Variants in CYB5RL observed in about 807,000 individuals in gnomAD.
CYB5RL encodes the protein cytochrome b5 reductase like.
CYB5RL carries 38 observed loss-of-function variants against 37.5 expected under a neutral mutation model. That is an observed-to-expected ratio of 1.01 (90% CI 0.78 to 1.33). The LOEUF (loss-of-function observed/expected upper bound fraction) is 1.33. Ranked by LOEUF, CYB5RL falls within the 40% of genes most tolerant of loss-of-function variation. The probability of loss-of-function intolerance (pLI) is 0.00; values close to 1 mark genes in which losing one functional copy is unlikely to be tolerated. For synonymous variants in CYB5RL, 141 were observed against 151.9 expected (o/e 0.93, Z 0.53); for missense variants, 388 against 394.4 (o/e 0.98, Z 0.14).
chr1:54,179,250 G>T lies in CYB5RL; in HGVS notation c.643C>A (p.Leu215Met), dbSNP rs146034240. The change falls in exon 7 of 8, where the codon CTG becomes ATG. Residue 215 changes from leucine (L) to methionine (M), a missense_variant. Physicochemically the swap from Leu to Met is conservative, Grantham distance 15. Transcript: ENST00000534324. ...DNENDETFVTLVGCFKTFESI... is the reference protein window; with the variant it reads ...DNENDETFVTMVGCFKTFESI... ...TCAAAGGTCTTGAAGCAACCGACCA[G>T]AGTGACAAAAGTCTCGTCATTCTCA... The T allele has an allele frequency of 3.8e-4, 611 of 1,613,850 alleles. 2 individuals carry two copies. The African/African-American group carries it at 6.6e-3, about 17-fold the overall frequency.
intron 6 of CYB5RL, chr1:54,180,139 A>T (rs1029805749): frequency 2.4e-6 from 1 of 418,538 alleles, no homozygotes; most frequent in Non-Finnish European, 4.7e-6. Flanking sequence ...TGGGAGGCTG[A>T]GGCAGAAGAA....
chr1:54,197,760 T>G (rs1361138927), intron 1 of CYB5RL, among the ~76,000 whole-genome samples: 4 of 151,952 alleles, frequency 2.6e-5, no homozygotes, highest in Admixed American at 6.6e-5. Flanking sequence ...GGTGGCTCAT[T>G]CCTGTAATCC....
chr1:54,176,092 C>T (rs1008152968), intron 7 of CYB5RL, among the ~76,000 whole-genome samples: 2 of 152,254 alleles, frequency 1.3e-5, no homozygotes, highest in African/African-American at 4.8e-5. Context: ...TCCACTGCCA[C>T]TTTCCTGCTG....
chr1:54,198,729 C>T (rs770152886), intron 1 of CYB5RL, among the ~76,000 whole-genome samples: 3 of 151,072 alleles, frequency 2.0e-5, no homozygotes, highest in Non-Finnish European at 4.4e-5. Context: ...TCTCCGAGGC[C>T]CAAGTGATCC....
chr1:54,176,904 C>A (rs1660032369), intron 7 of CYB5RL, among the ~76,000 whole-genome samples: 1 of 152,136 alleles, frequency 6.6e-6, no homozygotes, highest in Non-Finnish European at 1.5e-5. Flanking sequence ...TGGACTTCTA[C>A]CTCAACAGGG....
At chr1:54,182,965 C>T (rs748161291) in intron 6 of CYB5RL, among the ~76,000 whole-genome samples, 18 of 152,226 alleles carry the variant, frequency 1.2e-4, no homozygotes, top group Middle Eastern at 3.4e-3. Flanking sequence ...AATAGGTGTT[C>T]GCTGCAAATG....
chr1:54,196,810 C>T (rs561957757), intron 1 of CYB5RL, among the ~76,000 whole-genome samples: 9 of 152,284 alleles, frequency 5.9e-5, no homozygotes, highest in Admixed American at 1.3e-4. Flanking sequence ...CAAAACATAT[C>T]GTTCTTCAAT....
intron 3 of CYB5RL, 101 bp from the exon 4 acceptor site, chr1:54,190,997 C>A: frequency 6.8e-7 from 1 of 1,461,872 alleles, no homozygotes; most frequent in Admixed American, 2.5e-5. Context: ...GCTGTCTTGG[C>A]TCGGGAAGTT....
intron 4 of CYB5RL, among the ~76,000 whole-genome samples, chr1:54,189,227 G>A (rs1030286243): frequency 3.9e-5 from 6 of 152,036 alleles, no homozygotes; most frequent in African/African-American, 9.7e-5. Flanking sequence ...TGAAACAAAT[G>A]GGGACCTAAG....
chr1:54,199,084 C>T (rs1644048692), intron 1 of CYB5RL, among the ~76,000 whole-genome samples: 1 of 152,166 alleles, frequency 6.6e-6, no homozygotes, highest in South Asian at 2.1e-4. Flanking sequence ...TTAATCCAGG[C>T]CTTGACACAT....
At position 54,174,375 on chromosome 1, in the gene CYB5RL, C is replaced by T. The variant is rs1659966001; in HGVS notation, c.*244G>A. 1.9e-6 allele frequency: 1 copy of T among 520,850 alleles called. No homozygotes were observed. Among genetic ancestry groups the T allele is most frequent in the Non-Finnish European group, 3.5e-6 (1 of 288,758 alleles). The allele number at this position is 520,850 out of a possible 1,614,324, so 32.3% of individuals were successfully genotyped here. A position where few individuals can be genotyped will look rare whatever the true frequency, so the allele number is the denominator to read the frequency against. On this transcript the variant is annotated 3_prime_UTR_variant, in exon 8 of 8. Transcript: ENST00000534324. ...TCCTCCCTGACTCCCAGGCTGGTTGCTCACCTCCTCAGGGCCCCTACAGCC... is the reference window on the plus strand; with the variant it reads ...TCCTCCCTGACTCCCAGGCTGGTTGTTCACCTCCTCAGGGCCCCTACAGCC...
intron 1 of CYB5RL, among the ~76,000 whole-genome samples, chr1:54,199,127 G>A (rs761497060): frequency 6.6e-6 from 1 of 152,030 alleles, no homozygotes; most frequent in Non-Finnish European, 1.5e-5. Flanking sequence ...TTCCCACCCC[G>A]CAGGCCTTGG....
At position 54,190,886 on chromosome 1, in the gene CYB5RL, G is replaced by A; in HGVS notation, c.209C>T (p.Ser70Phe). ...LRGPESQSCP[S>F]KLNPETFVAF... Reference sequence around the variant, plus strand: ...CACGAAGGTCTCTGGGTTCAGCTTGGAGGGGCAGCTCTGCAACAGGAAGAG... The same window carrying A: ...CACGAAGGTCTCTGGGTTCAGCTTGAAGGGGCAGCTCTGCAACAGGAAGAG... The change falls in exon 4 of 8, where the codon TCC becomes TTC. Residue 70 changes from serine (S) to phenylalanine (F), a missense_variant. Physicochemically the swap from Ser to Phe is radical, Grantham distance 155 (BLOSUM62 -2). Transcript: ENST00000534324. The A allele has an allele frequency of 6.2e-7, 1 of 1,611,844 alleles. No homozygotes were observed. Among genetic ancestry groups the A allele is most frequent in the South Asian group, 1.1e-5 (1 of 90,498 alleles).
intron 5 of CYB5RL, chr1:54,185,698 T>C (rs1478257706): frequency 6.6e-6 from 1 of 152,164 alleles, no homozygotes; most frequent in Non-Finnish European, 1.5e-5. Flanking sequence ...GCACGCTTTG[T>C]TTTCTGGCCC....
chr1:54,191,659 TCCTGCAGCAC>T (rs1643955374), intron 3 of CYB5RL, among the ~76,000 whole-genome samples: 1 of 152,214 alleles, frequency 6.6e-6, no homozygotes, highest in Non-Finnish European at 1.5e-5. Context: ...GCCTGCACCA[TCCTGCAGCAC>T]CAACTCTGGA....
In CYB5RL at chr1:54,172,072, T is replaced by TATCTAAAC; in HGVS notation, c.*2539_*2546dup. ...TGGGTGGCCTTGTATAATATCTAAA[T>TATCTAAAC]ATCTAAACATCTAAAATGAGACAAG... On this transcript the variant is annotated 3_prime_UTR_variant, in exon 8 of 8. Transcript: ENST00000534324. 6.5e-6 allele frequency: 1 copy of TATCTAAAC among 153,762 alleles called. No homozygotes were observed. The highest frequency in any genetic ancestry group is 2.0e-4 in the South Asian group (1 of 4,906). The allele number at this position is 153,762 out of a possible 1,614,324, so 9.5% of individuals were successfully genotyped here. A position where few individuals can be genotyped will look rare whatever the true frequency, so the allele number is the denominator to read the frequency against.
In CYB5RL at chr1:54,171,784, C is replaced by G; in HGVS notation, c.*2835G>C. The G allele has an allele frequency of 6.6e-6, 2 of 304,736 alleles. No individual in the cohort carries two copies. The highest frequency in any genetic ancestry group is 6.5e-5 in the South Asian group (2 of 30,672). 18.9% of individuals were successfully genotyped at this position (304,736 alleles called of 1,614,324 possible). A position where few individuals can be genotyped will look rare whatever the true frequency, so the allele number is the denominator to read the frequency against. Reference sequence around the variant, plus strand: ...CAGCAGCTGATGGGAACCATGCCCCCACAGCTCCAAGAGGTCTGAACTCAC... The same window carrying G: ...CAGCAGCTGATGGGAACCATGCCCCGACAGCTCCAAGAGGTCTGAACTCAC... On this transcript the variant is annotated 3_prime_UTR_variant, in exon 8 of 8. Transcript: ENST00000534324.
chr1:54,187,283 C>T (rs530829282), intron 5 of CYB5RL, among the ~76,000 whole-genome samples: 6 of 152,238 alleles, frequency 3.9e-5, no homozygotes, highest in Admixed American at 1.3e-4. Flanking sequence ...CTATTTCACC[C>T]CTCCCAACCT....
intron 1 of CYB5RL, among the ~76,000 whole-genome samples, chr1:54,196,729 G>A (rs184541597): frequency 6.6e-6 from 1 of 152,238 alleles, no homozygotes; most frequent in Admixed American, 6.5e-5. Flanking sequence ...CTACAGTTCA[G>A]CTTTGCCCAG....
Sources: allele counts gnomAD v4.1 joint callset (sites outside exome capture counted in the v4.1 genomes callset), GRCh38; gene constraint gnomAD v4.1.1; transcripts MANE v1.5; gene names NCBI Gene and HGNC (gene_info 2026-07-23, HGNC 2026-07-21).